Variants in EXOC6 observed in about 807,000 individuals in gnomAD.
The protein encoded by EXOC6 is SEC15-like 1.
EXOC6 carries 60 observed loss-of-function variants against 112.5 expected under a neutral mutation model. The observed-to-expected ratio is 0.53, with a 90% CI of 0.43 to 0.66. The LOEUF (loss-of-function observed/expected upper bound fraction) is 0.66, where lower values mean the gene tolerates loss of function less well. Ranked by LOEUF, EXOC6 falls within the 30% of genes least tolerant of loss-of-function variation. EXOC6 has a pLI of 0.00. For synonymous variants in EXOC6, 295 were observed against 308.0 expected (o/e 0.96, Z 0.44); for missense variants, 855 against 957.1 (o/e 0.89, Z 1.41).
At chr10:92,960,867 T>C (rs1241475437) in intron 17 of EXOC6, among the ~76,000 whole-genome samples, 1 of 152,192 alleles carries the variant, frequency 6.6e-6, no homozygotes, top group Non-Finnish European at 1.5e-5. Context: ...AGTTTATTTA[T>C]TTTGAATTCA....
At chr10:92,878,808 CTTAAAGGTT>C (rs1848810061) in intron 1 of EXOC6, among the ~76,000 whole-genome samples, 2 of 152,198 alleles carry the variant, frequency 1.3e-5, no homozygotes, top group East Asian at 1.9e-4. Flanking sequence ...CTCAATCTAC[CTTAAAGGTT>C]TTAAAATTGG....
chr10:92,844,088 T>C (rs770745031), upstream of EXOC6, among the ~76,000 whole-genome samples: 15 of 146,614 alleles, frequency 1.0e-4, no homozygotes, highest in Non-Finnish European at 2.1e-4. Flanking sequence ...AGGGCGGAGG[T>C]TGCAGTGAGC....
chr10:93,056,399 T>C (rs898753318), intron 20 of EXOC6, among the ~76,000 whole-genome samples: 12 of 152,214 alleles, frequency 7.9e-5, no homozygotes, highest in African/African-American at 1.7e-4. Flanking sequence ...CCAGAGAGAA[T>C]CTAGCAGAGG....
intron 1 of EXOC6, among the ~76,000 whole-genome samples, chr10:92,849,303 G>A (rs192592253): frequency 6.6e-6 from 1 of 152,314 alleles, no homozygotes; most frequent in African/African-American, 2.4e-5. Flanking sequence ...TGCTTTGGAG[G>A]CAGAACAGCT....
chr10:93,007,897 G>A (rs149191985), intron 19 of EXOC6, among the ~76,000 whole-genome samples: 19 of 152,244 alleles, frequency 1.2e-4, no homozygotes, highest in African/African-American at 3.6e-4. Context: ...GAATCAGGCC[G>A]GGTGCGGTGG....
intron 18 of EXOC6, among the ~76,000 whole-genome samples, chr10:92,978,504 T>TTC (rs1405350971): frequency 6.6e-6 from 1 of 152,214 alleles, no homozygotes; most frequent in African/African-American, 2.4e-5. Context: ...TAATAAATTA[T>TTC]TGACTATGGT....
At chr10:92,891,180 T>C (rs1295522589) in intron 1 of EXOC6, among the ~76,000 whole-genome samples, 1 of 152,144 alleles carries the variant, frequency 6.6e-6, no homozygotes, top group African/African-American at 2.4e-5. Flanking sequence ...GCAGGTTTTG[T>C]GAAAGGAGAT....
intron 18 of EXOC6, among the ~76,000 whole-genome samples, chr10:92,996,418 C>T (rs990881014): frequency 2.0e-5 from 3 of 152,124 alleles, no homozygotes; most frequent in Non-Finnish European, 4.4e-5. Flanking sequence ...CAGATCGAGA[C>T]CATCCTGGCT....
chr10:92,974,317 A>G (rs1842411676), intron 18 of EXOC6, 85 bp downstream of exon 18: 2 of 829,210 alleles, frequency 2.4e-6, no homozygotes, highest in Non-Finnish European at 1.7e-6. Context: ...CCTTGCTTAA[A>G]CCAACTTCTT....
chr10:92,948,259 T>C lies in EXOC6; in HGVS notation c.1311-15T>C, dbSNP rs1409616104. On this transcript the variant is annotated splice_polypyrimidine_tract_variant and intron_variant, in intron 13 of 21. Coordinates refer to ENST00000260762, the MANE Select transcript of EXOC6 (RefSeq NM_019053.6). ...GCTTTGTAATGATAAGTTTTCAATT[T>C]TCCTTTCCTAACAGGGACATTTTTG... 1 of 1,524,334 alleles carries C rather than the reference T, an allele frequency of 6.6e-7. No individual in the cohort carries two copies. Among genetic ancestry groups the C allele is most frequent in the South Asian group, 1.2e-5 (1 of 86,238 alleles). 94.4% of individuals were successfully genotyped at this position (1,524,334 alleles called of 1,614,324 possible). A position where few individuals can be genotyped will look rare whatever the true frequency, so the allele number is the denominator to read the frequency against.
At chr10:92,868,721 G>T (rs1848296169) in intron 1 of EXOC6, among the ~76,000 whole-genome samples, 1 of 151,714 alleles carries the variant, frequency 6.6e-6, no homozygotes, top group Admixed American at 6.6e-5. Context: ...ATAAATTTTA[G>T]AATTCCTTAA....
chr10:92,857,256 T>C (rs1363611465), intron 1 of EXOC6, among the ~76,000 whole-genome samples: 1 of 152,108 alleles, frequency 6.6e-6, no homozygotes, highest in African/African-American at 2.4e-5. Flanking sequence ...AGTGATTTTT[T>C]GGGAATTTAG....
chr10:93,048,156 C>T (rs1038831572), intron 20 of EXOC6, among the ~76,000 whole-genome samples: 36 of 152,026 alleles, frequency 2.4e-4, no homozygotes, highest in Admixed American at 1.9e-3. Flanking sequence ...GGAGATATAC[C>T]TAATGTAAAT....
intron 1 of EXOC6, among the ~76,000 whole-genome samples, chr10:92,867,493 A>G (rs983147968): frequency 1.1e-4 from 17 of 152,274 alleles, no homozygotes; most frequent in East Asian, 3.9e-4. Context: ...CCAAGAAAAG[A>G]TAATACCCAA....
intron 20 of EXOC6, among the ~76,000 whole-genome samples, chr10:93,038,065 A>AT (rs1554926006): frequency 0.052 from 6,502 of 125,894 alleles, 1,380 homozygotes; most frequent in African/African-American, 0.16. Flanking sequence ...AAAAAAAAAA[A>AT]ATTTTTCTCT....
chr10:92,943,844 CTG>C (rs1218965727), intron 13 of EXOC6, among the ~76,000 whole-genome samples: 3 of 152,108 alleles, frequency 2.0e-5, no homozygotes, highest in African/African-American at 7.2e-5. Context: ...CTGACTGAAA[CTG>C]TACTCTTTGA....
intron 20 of EXOC6, among the ~76,000 whole-genome samples, chr10:93,034,793 AT>A (rs1233559435): frequency 1.3e-5 from 2 of 152,198 alleles, no homozygotes; most frequent in Admixed American, 6.5e-5. Context: ...TTTTGTTTGC[AT>A]TATTTTGTTA....
At chr10:92,829,536 T>C (rs1846439388) in intron 1 of EXOC6, among the ~76,000 whole-genome samples, 1 of 152,216 alleles carries the variant, frequency 6.6e-6, no homozygotes, top group Middle Eastern at 3.2e-3. Context: ...GGGGCACCCC[T>C]GCCTTGTCCC....
Position 92,948,317 on chromosome 10 carries a change from A to G in EXOC6, c.1354A>G (p.Asn452Asp). The G allele has an allele frequency of 1.2e-6, 2 of 1,610,590 alleles. No individual in the cohort carries two copies. Among genetic ancestry groups the G allele is most frequent in the Non-Finnish European group, 1.7e-6 (2 of 1,178,742 alleles). ...TAATTACAGCCCCATCCCTGTTGTC[A>G]ATGAAGAAGAATATAAAATTGTCAT... is the stretch of plus-strand genomic sequence containing the variant. The part of the protein sequence containing the change: ...EDNYSPIPVV[N>D]EEEYKIVISK... The change falls in exon 14 of 22, where the codon AAT becomes GAT. Residue 452 changes from asparagine (N) to aspartate (D), a missense_variant. By Grantham distance (23) the Asn-to-Asp change is conservative (BLOSUM62 1). Coordinates refer to ENST00000260762, the MANE Select transcript of EXOC6 (RefSeq NM_019053.6).
Sources: allele counts gnomAD v4.1 joint callset (sites outside exome capture counted in the v4.1 genomes callset), GRCh38; gene constraint gnomAD v4.1.1; transcripts MANE v1.5; gene names NCBI Gene and HGNC (gene_info 2026-07-23, HGNC 2026-07-21).